Variants in GRID2 observed in about 807,000 individuals in gnomAD.
The protein encoded by GRID2 is glutamate receptor ionotropic, delta-2.
A neutral mutation model predicts 114.8 loss-of-function variants in GRID2; 33 were observed. The ratio of observed to expected loss-of-function variants is 0.29; its 90% CI spans 0.22 to 0.38. The LOEUF (loss-of-function observed/expected upper bound fraction) is 0.38. GRID2 is among the 10% of genes least tolerant of loss of function. The pLI, the probability that GRID2 is intolerant of heterozygous loss-of-function variation, is 1.00. For missense variants in GRID2, 1,184 were observed against 1,257.7 expected (o/e 0.94, Z 0.89); for synonymous variants, 505 against 449.9 (o/e 1.12, Z -1.55).
chr4:92,790,572 C>T (rs761254450), intron 2 of GRID2, among the ~76,000 whole-genome samples: 2 of 151,632 alleles, frequency 1.3e-5, no homozygotes, highest in African/African-American at 2.4e-5. Context: ...TGCACCACCA[C>T]GCCCAGCTAA....
At chr4:92,611,078 ATGTGTGTATATATATG>A (rs1729708637) in intron 2 of GRID2, among the ~76,000 whole-genome samples, 1 of 134,816 alleles carries the variant, frequency 7.4e-6, no homozygotes, top group East Asian at 2.4e-4. Context: ...GTATATATAT[ATGTGTGTATATATATG>A]TGTGTGTGTA....
chr4:93,726,464 G>C (rs1446927698), intron 14 of GRID2, among the ~76,000 whole-genome samples: 1 of 152,204 alleles, frequency 6.6e-6, no homozygotes, highest in African/African-American at 2.4e-5. Context: ...ACTTGGCAAT[G>C]CAGGCTCTTT....
At chr4:93,664,649 G>A (rs1291414755) in intron 14 of GRID2, among the ~76,000 whole-genome samples, 1 of 152,276 alleles carries the variant, frequency 6.6e-6, no homozygotes, top group African/African-American at 2.4e-5. Context: ...TTTGGGGTGG[G>A]TAGGGACGTG....
intron 4 of GRID2, among the ~76,000 whole-genome samples, chr4:93,113,068 G>A (rs1276811888): frequency 1.3e-5 from 2 of 152,168 alleles, no homozygotes; most frequent in Non-Finnish European, 2.9e-5. Flanking sequence ...GTTACCATTA[G>A]CTGTTATGAG....
intron 2 of GRID2, among the ~76,000 whole-genome samples, chr4:92,616,133 G>C (rs925496894): frequency 6.6e-6 from 1 of 151,588 alleles, no homozygotes; most frequent in Non-Finnish European, 1.5e-5. Flanking sequence ...TTCAGAATGA[G>C]TGCTGCTGTA....
At chr4:93,726,498 G>A (rs184588544) in intron 14 of GRID2, among the ~76,000 whole-genome samples, 2 of 152,340 alleles carry the variant, frequency 1.3e-5, no homozygotes, top group Non-Finnish European at 2.9e-5. Flanking sequence ...GAACCTTAAA[G>A]TAGTTTTTTC....
At chr4:93,798,841 T>C (rs954577273) in intron 1 of GRID2, among the ~76,000 whole-genome samples, 3 of 152,348 alleles carry the variant, frequency 2.0e-5, no homozygotes, top group Admixed American at 2.0e-4. Flanking sequence ...CCTGGGTTTG[T>C]TATGTGGCAA....
intron 8 of GRID2, chr4:93,318,900 A>G (rs542724248): frequency 3.1e-4 from 47 of 152,288 alleles, no homozygotes; most frequent in African/African-American, 1.1e-3. Flanking sequence ...ATAAAAAATT[A>G]GGCAAAATTT....
chr4:93,126,166 C>T (rs4693308), intron 4 of GRID2, among the ~76,000 whole-genome samples: 59,923 of 151,972 alleles, frequency 0.39, 12,166 homozygotes, highest in Admixed American at 0.54. Flanking sequence ...AAATTTCACT[C>T]ACTATTATTT....
intron 13 of GRID2, among the ~76,000 whole-genome samples, chr4:93,598,701 T>G (rs1246376450): frequency 6.6e-6 from 1 of 152,206 alleles, no homozygotes; most frequent in Non-Finnish European, 1.5e-5. Context: ...AAATGCATCT[T>G]CTTGAAGGAG....
intron 2 of GRID2, among the ~76,000 whole-genome samples, chr4:92,668,581 T>A (rs954196447): frequency 6.6e-5 from 10 of 151,930 alleles, no homozygotes; most frequent in African/African-American, 2.2e-4. Context: ...TAGGTAGATT[T>A]TAGTTGAGCA....
intron 2 of GRID2, among the ~76,000 whole-genome samples, chr4:92,714,060 C>T (rs1735411924): frequency 6.6e-6 from 1 of 152,180 alleles, no homozygotes. Flanking sequence ...CAAGTCCCTT[C>T]CACCTATCAG....
At chr4:93,166,774 G>A (rs1371778377) in intron 4 of GRID2, among the ~76,000 whole-genome samples, 1 of 152,072 alleles carries the variant, frequency 6.6e-6, no homozygotes, top group East Asian at 1.9e-4. Context: ...CTTGGTCTGA[G>A]GCTTTTCTTG....
At chr4:93,075,825 TG>T (rs1729214594) in intron 2 of GRID2, among the ~76,000 whole-genome samples, 1 of 151,088 alleles carries the variant, frequency 6.6e-6, no homozygotes, top group African/African-American at 2.4e-5. Context: ...AATGAAGTTA[TG>T]TATAATGCTT....
intron 4 of GRID2, among the ~76,000 whole-genome samples, chr4:93,176,459 A>C (rs537418209): frequency 2.6e-4 from 40 of 152,334 alleles, no homozygotes; most frequent in Admixed American, 1.6e-3. Flanking sequence ...AATAAACATC[A>C]AAAAAGATAA....
At chr4:93,651,958 G>A (rs1722618404) in intron 14 of GRID2, among the ~76,000 whole-genome samples, 1 of 152,106 alleles carries the variant, frequency 6.6e-6, no homozygotes, top group African/African-American at 2.4e-5. Flanking sequence ...GGACCACAGG[G>A]AAGCAGTGTA....
chr4:93,334,102 A>G (rs1206794455), intron 8 of GRID2, among the ~76,000 whole-genome samples: 1 of 152,206 alleles, frequency 6.6e-6, no homozygotes, highest in Non-Finnish European at 1.5e-5. Context: ...GCCCTAGGGA[A>G]TTCATAGCAA....
intron 2 of GRID2, among the ~76,000 whole-genome samples, chr4:92,688,541 C>G (rs536091672): frequency 1.5e-3 from 230 of 152,302 alleles, no homozygotes; most frequent in Non-Finnish European, 2.9e-3. Flanking sequence ...ATAGATTCCA[C>G]ATCAAGAAAC....
intron 11 of GRID2, among the ~76,000 whole-genome samples, chr4:93,461,047 G>A (rs1257856960): frequency 6.6e-6 from 1 of 152,044 alleles, no homozygotes; most frequent in African/African-American, 2.4e-5. Context: ...TTACCCATAT[G>A]GTTAGCATGC....
Sources: allele counts gnomAD v4.1 joint callset (sites outside exome capture counted in the v4.1 genomes callset), GRCh38; gene constraint gnomAD v4.1.1; transcripts MANE v1.5; gene names NCBI Gene and HGNC (gene_info 2026-07-23, HGNC 2026-07-21).